Variants in AGMO observed in about 807,000 individuals in gnomAD.
AGMO encodes glyceryl-ether monooxygenase.
A neutral mutation model predicts 60.2 loss-of-function variants in AGMO; 75 were observed. The observed-to-expected ratio is 1.25, with a 90% CI of 1.03 to 1.51. AGMO has a LOEUF of 1.51. Ranked by LOEUF, AGMO falls within the 40% of genes most tolerant of loss-of-function variation. The pLI is 0.00. For missense variants in AGMO, 763 were observed against 525.5 expected, an observed-to-expected ratio of 1.45 and a Z score of -4.42; for synonymous variants, 261 against 177.1, an observed-to-expected ratio of 1.47 and a Z score of -3.76.
At position 15,247,573 on chromosome 7, in the gene AGMO, T is replaced by A. The variant is rs1408124853; in HGVS notation, c.1264-46214A>T. Among the ~76,000 whole-genome samples, 4 of 151,832 alleles carry A rather than the reference T, an allele frequency of 2.6e-5. No homozygotes were observed. In the East Asian group the frequency reaches 7.8e-4, roughly 29 times the overall value. On this transcript the variant is annotated intron_variant, in intron 12 of 12. Coordinates refer to ENST00000342526, the MANE Select transcript of AGMO (RefSeq NM_001004320.2). ...CACCACCAAAGCCATTTTCTGACAA[T>A]CCTCAAACATACACAGACACATTCA...
intron 4 of AGMO, among the ~76,000 whole-genome samples, chr7:15,422,298 T>A (rs1413413113): frequency 6.6e-6 from 1 of 151,696 alleles, no homozygotes; most frequent in East Asian, 1.9e-4. Context: ...ATGTGAGAGA[T>A]CTTACTATAT....
rs117570305 is a variant in AGMO, at chr7:15,543,311, A to G, written c.409+1461T>C. Among the ~76,000 whole-genome samples the G allele has an allele frequency of 1.7e-3, 259 of 152,248 alleles. 6 individuals carry two copies. In the East Asian group the frequency reaches 0.034, roughly 20 times the overall value. ...TACAATCATTCCTCAGCCCCTACTT[A>G]TCCCTGCAGAGGTTCAGACCTAGAT... is the stretch of plus-strand genomic sequence containing the variant. On this transcript the variant is annotated intron_variant, in intron 3 of 12. Transcript: ENST00000342526.
At chr7:15,191,930 A>G in the AGMO span, among the ~76,000 whole-genome samples, 2 of 150,496 alleles carry the variant, frequency 1.3e-5, no homozygotes, top group Non-Finnish European at 2.9e-5. Flanking sequence ...TAAATCATTG[A>G]TCGAATAAAA....
In AGMO at chr7:15,242,961, A is replaced by T. The variant is rs1782635524; in HGVS notation, c.1264-41602T>A. Among the ~76,000 whole-genome samples the T allele has an allele frequency of 2.0e-5, 3 of 152,094 alleles. No individual in the cohort carries two copies. The South Asian group carries it at 6.2e-4, about 32-fold the overall frequency. On this transcript the variant is annotated intron_variant, in intron 12 of 12. Transcript: ENST00000342526. ...AAGATGTGGGACAGATTTTAAGTCA[A>T]AAAATAAGCATTATTGGTAAGAACT... is the stretch of plus-strand genomic sequence containing the variant.
chr7:15,159,967 A>G, the AGMO span, among the ~76,000 whole-genome samples: 1 of 152,138 alleles, frequency 6.6e-6, no homozygotes, highest in African/African-American at 2.4e-5. Flanking sequence ...CCTACTGGGC[A>G]CTGGAAGCTA....
intron 6 of AGMO, among the ~76,000 whole-genome samples, chr7:15,393,820 T>A (rs865963320): frequency 3.9e-5 from 6 of 152,294 alleles, no homozygotes; most frequent in African/African-American, 1.4e-4. Context: ...ATAAAATGTG[T>A]ATTTCCTCAG....
intron 12 of AGMO, among the ~76,000 whole-genome samples, chr7:15,320,127 G>C (rs1269274374): frequency 2.6e-5 from 4 of 151,672 alleles, no homozygotes; most frequent in Non-Finnish European, 5.9e-5. Flanking sequence ...GTGGGGGAGG[G>C]GGAAGGGATA....
chr7:15,552,889 T>G (rs1484709623), intron 2 of AGMO, among the ~76,000 whole-genome samples: 1 of 149,998 alleles, frequency 6.7e-6, no homozygotes, highest in African/African-American at 2.4e-5. Flanking sequence ...TATTGCGGCA[T>G]TATTCACGAT....
At chr7:15,251,912 A>C (rs1563055357) in intron 12 of AGMO, among the ~76,000 whole-genome samples, 1 of 152,224 alleles carries the variant, frequency 6.6e-6, no homozygotes, top group Non-Finnish European at 1.5e-5. Context: ...AAGACTCCTG[A>C]CATTCAGATA....
chr7:15,121,450 C>A, the AGMO span, among the ~76,000 whole-genome samples: 6 of 152,108 alleles, frequency 3.9e-5, no homozygotes, highest in Admixed American at 3.9e-4. Context: ...AGTGTAAAAG[C>A]GTTCCTATTT....
At chr7:15,322,110 A>G (rs1167079180) in intron 12 of AGMO, among the ~76,000 whole-genome samples, 1 of 151,942 alleles carries the variant, frequency 6.6e-6, no homozygotes, top group Non-Finnish European at 1.5e-5. Flanking sequence ...ATTCAAGTTC[A>G]GCCTGGGCAA....
chr7:15,268,259 C>G (rs1405053877), intron 12 of AGMO, among the ~76,000 whole-genome samples: 2 of 151,942 alleles, frequency 1.3e-5, no homozygotes, highest in Non-Finnish European at 2.9e-5. Context: ...TTTTGCATTT[C>G]TTTAAGGAAT....
At chr7:15,378,214 A>T (rs915502254) in intron 10 of AGMO, among the ~76,000 whole-genome samples, 3 of 152,034 alleles carry the variant, frequency 2.0e-5, no homozygotes, top group Admixed American at 2.0e-4. Context: ...TTAAAAAATT[A>T]TATTTGGACA....
Position 15,552,786 on chromosome 7 carries a change from A to G in AGMO, c.257+7355T>C, listed in dbSNP as rs1785002633. Among the ~76,000 whole-genome samples, 4 of 150,088 alleles carry G rather than the reference A, an allele frequency of 2.7e-5. No individual in the cohort carries two copies. In the South Asian group the frequency reaches 6.3e-4, roughly 24 times the overall value. ...GGCGATTCTTCAGGGATCTAGAACT[A>G]GAAATACCATTTGACCCAGCCATCC... On this transcript the variant is annotated intron_variant, in intron 2 of 12. Transcript: ENST00000342526.
At chr7:15,390,178 G>A (rs1265526125) in intron 8 of AGMO, among the ~76,000 whole-genome samples, 1 of 151,780 alleles carries the variant, frequency 6.6e-6, no homozygotes, top group Non-Finnish European at 1.5e-5. Flanking sequence ...AGAGAAAACT[G>A]GTCCAGTCCA....
At position 15,279,848 on chromosome 7, in the gene AGMO, A is replaced by C. The variant is rs149245382; in HGVS notation, c.1264-78489T>G. ...CCATACCCAGTGCTGGAACTGATTC[A>C]GAGAGCACTGGGGAATATCAAGGAA... is the stretch of plus-strand genomic sequence containing the variant. On this transcript the variant is annotated intron_variant, in intron 12 of 12. Transcript: ENST00000342526. 2.6e-5 allele frequency among the ~76,000 whole-genome samples: 4 copies of C among 152,312 alleles called. No homozygotes were observed. In the East Asian group the frequency reaches 5.8e-4, roughly 22 times the overall value.
intron 12 of AGMO, among the ~76,000 whole-genome samples, chr7:15,332,834 T>C (rs1479423611): frequency 6.6e-6 from 1 of 152,124 alleles, no homozygotes; most frequent in African/African-American, 2.4e-5. Context: ...TAATGATATT[T>C]AAAATCCTAC....
downstream of AGMO, among the ~76,000 whole-genome samples, chr7:15,197,052 T>A (rs1781135969): frequency 1.3e-5 from 2 of 151,746 alleles, no homozygotes; most frequent in African/African-American, 4.9e-5. Flanking sequence ...CGTTTTTTGT[T>A]GTTGTTTTTT....
At chr7:15,273,841 C>T (rs1416488300) in intron 12 of AGMO, among the ~76,000 whole-genome samples, 2 of 152,042 alleles carry the variant, frequency 1.3e-5, no homozygotes, top group Non-Finnish European at 1.5e-5. Context: ...CCTTCACATC[C>T]CTTGTAAGTT....
Sources: gnomAD v4.1 joint callset for allele counts (sites outside exome capture counted in the v4.1 genomes callset) on GRCh38, gnomAD v4.1.1 for gene constraint, MANE v1.5 for transcripts, NCBI Gene and HGNC (gene_info 2026-07-23, HGNC 2026-07-21) for gene names.